STRN4: variants seen among roughly 807,000 people sequenced by gnomAD.
STRN4 encodes striatin 4.
Under a neutral mutation model 77.9 loss-of-function variants are expected in STRN4, and 27 were observed. The observed-to-expected ratio is 0.35, with a 90% confidence interval of 0.26 to 0.48. The LOEUF (loss-of-function observed/expected upper bound fraction) is 0.48, where lower values mean the gene tolerates loss of function less well. Ranked by LOEUF, STRN4 falls within the 20% of genes least tolerant of loss-of-function variation. The pLI, the probability that STRN4 is intolerant of heterozygous loss-of-function variation, is 0.99. For synonymous variants in STRN4, 466 were observed against 443.1 expected (o/e 1.05, Z -0.65); for missense variants, 798 against 1,049.7 (o/e 0.76, Z 3.31).
intron 16 of STRN4, chr19:46,721,574 T>A: frequency 4.8e-6 from 1 of 207,432 alleles, no homozygotes. Context: ...TCACACTCCA[T>A]CCCTTCTAAG....
chr19:46,730,899 G>T, intron 5 of STRN4, 26 bp from the exon 6 acceptor site: 1 of 1,607,448 alleles, frequency 6.2e-7, no homozygotes. Flanking sequence ...GAGCAGAGGA[G>T]GCATGAGTCC....
chr19:46,746,067 A>C (rs1003023306), intron 1 of STRN4, 82 bp downstream of exon 1: 2 of 1,262,322 alleles, frequency 1.6e-6, no homozygotes, highest in African/African-American at 1.6e-5. Flanking sequence ...CATTGCTCCA[A>C]GATGGCGGCG....
At chr19:46,745,969 C>T (rs1247984421) in intron 1 of STRN4, 180 bp downstream of exon 1, 1 of 701,722 alleles carries the variant, frequency 1.4e-6, no homozygotes. Context: ...CCCCGGAGTG[C>T]CCTCAGGACA....
At chr19:46,730,635 C>T in intron 6 of STRN4, 97 bp downstream of exon 6, 2 of 1,533,302 alleles carry the variant, frequency 1.3e-6, no homozygotes, top group African/African-American at 1.4e-5. Context: ...CTGCTGCCAG[C>T]ACACACCGCA....
At chr19:46,727,719 G>T in intron 8 of STRN4, 173 bp from the exon 9 acceptor site, 1 of 748,650 alleles carries the variant, frequency 1.3e-6, no homozygotes. Flanking sequence ...GACAGACAGG[G>T]CAGGACAGAC....
At chr19:46,729,556 G>T (rs1171577259) in intron 6 of STRN4, among the ~76,000 whole-genome samples, 4 of 152,212 alleles carry the variant, frequency 2.6e-5, no homozygotes, top group African/African-American at 4.8e-5. Context: ...CTTGTGCAAA[G>T]AATGGGGAAG....
chr19:46,720,265 C>A lies in STRN4; in HGVS notation c.*140G>T, dbSNP rs891578003. The A allele has an allele frequency of 3.4e-4, 75 of 220,740 alleles. No individual in the cohort carries two copies. The highest frequency in any genetic ancestry group is 3.5e-4 in the Non-Finnish European group (40 of 112,780). The allele number at this position is 220,740 out of a possible 1,614,324, so 13.7% of individuals were successfully genotyped here. A position where few individuals can be genotyped will look rare whatever the true frequency, so the allele number is the denominator to read the frequency against. On this transcript the variant is annotated 3_prime_UTR_variant, in exon 18 of 18. Coordinates refer to ENST00000263280, the MANE Select transcript of STRN4 (RefSeq NM_013403.3). ...GGGGAGGGATTCCTGGGGAAAGGGC[C>A]GTTAGCACCACCAGGCTCCATGGCA...
At position 46,734,450 on chromosome 19, in the gene STRN4, C is replaced by T. The variant is rs560319143; in HGVS notation, c.540-1214G>A. On this transcript the variant is annotated intron_variant, in intron 4 of 17. Transcript: ENST00000263280. ...AACTTGAGGAAATCAAGGATATGCA[C>T]AAATACCTTCCTGATTTTTATCACA... Among the ~76,000 whole-genome samples the T allele has an allele frequency of 5.9e-5, 9 of 152,270 alleles. No homozygotes were observed. In the South Asian group the frequency reaches 1.9e-3, roughly 32 times the overall value.
chr19:46,735,776 C>A (rs1048363799), intron 4 of STRN4, among the ~76,000 whole-genome samples: 1 of 151,582 alleles, frequency 6.6e-6, no homozygotes, highest in Non-Finnish European at 1.5e-5. Context: ...ACCAGCATGG[C>A]CAACATGGTG....
chr19:46,725,784 A>G (rs886497976), intron 9 of STRN4, 136 bp from the exon 10 acceptor site: 15 of 1,126,806 alleles, frequency 1.3e-5, no homozygotes, highest in East Asian at 2.6e-5. Flanking sequence ...CCTGGGCTCC[A>G]GCCGGGAACT....
At position 46,723,315 on chromosome 19, in the gene STRN4, T is replaced by C; in HGVS notation, c.1595-31A>G. The C allele has an allele frequency of 6.6e-7, 1 of 1,518,866 alleles. No individual in the cohort carries two copies. The highest frequency in any genetic ancestry group is 8.8e-7 in the Non-Finnish European group (1 of 1,133,172). 94.1% of individuals were successfully genotyped at this position (1,518,866 alleles called of 1,614,324 possible). A position where few individuals can be genotyped will look rare whatever the true frequency, so the allele number is the denominator to read the frequency against. On this transcript the variant is annotated intron_variant, in intron 12 of 17. Coordinates refer to ENST00000263280, the MANE Select transcript of STRN4 (RefSeq NM_013403.3). This position sits in a 1 kb window ranked among gnomAD's most constrained non-coding sequence, Gnocchi z 5.5. ...CCCACCGCAGGGAGGAAATGGGCTG[T>C]GTCAGGGCTGCCAGCTCCTCCCTGG...
At chr19:46,726,823 TC>T (rs2054128096) in intron 9 of STRN4, among the ~76,000 whole-genome samples, 1 of 152,098 alleles carries the variant, frequency 6.6e-6, no homozygotes, top group African/African-American at 2.4e-5. Flanking sequence ...TGTGGTTCAC[TC>T]ACCCCCTCCC....
chr19:46,736,706 A>ATGGG, intron 4 of STRN4, 117 bp downstream of exon 4: 1 of 1,103,144 alleles, frequency 9.1e-7, no homozygotes, highest in Non-Finnish European at 1.3e-6. Context: ...TGGCTGGCTA[A>ATGGG]GATCCTGATA....
chr19:46,725,172 C>G (rs949284442), intron 11 of STRN4, among the ~76,000 whole-genome samples, 160 bp downstream of exon 11: 6 of 151,996 alleles, frequency 3.9e-5, no homozygotes, highest in African/African-American at 7.3e-5. Flanking sequence ...CAGCATGGAG[C>G]CCCAAGAACC....
intron 9 of STRN4, chr19:46,725,858 T>C: frequency 1.6e-6 from 1 of 637,354 alleles, no homozygotes; most frequent in Non-Finnish European, 2.7e-6. Context: ...CTGCGCTGGG[T>C]TCTGGAGAGA....
chr19:46,740,365 T>C (rs1486551559), intron 1 of STRN4: 2 of 151,964 alleles, frequency 1.3e-5, no homozygotes, highest in Non-Finnish European at 2.9e-5. Context: ...GAATGGGAAA[T>C]TTTTTTCCTT....
At chr19:46,732,902 G>C in intron 5 of STRN4, 137 bp downstream of exon 5, 3 of 1,060,440 alleles carry the variant, frequency 2.8e-6, no homozygotes, top group Non-Finnish European at 2.7e-6. Context: ...CAGGGTTTCA[G>C]AACAAGGGAG....
At chr19:46,742,973 T>C (rs768524955) in intron 1 of STRN4, among the ~76,000 whole-genome samples, 2 of 152,208 alleles carry the variant, frequency 1.3e-5, no homozygotes, top group Non-Finnish European at 2.9e-5. Context: ...GGGGAAAAAC[T>C]AGAAAAAATC....
intron 1 of STRN4, chr19:46,745,852 T>C: frequency 3.4e-6 from 1 of 292,636 alleles, no homozygotes; most frequent in Non-Finnish European, 6.3e-6. Context: ...CCAGTCCCAC[T>C]CCCAGCTGGT....
Sources: allele counts gnomAD v4.1 joint callset (sites outside exome capture counted in the v4.1 genomes callset), GRCh38; gene constraint gnomAD v4.1.1; non-coding constraint Gnocchi (gnomAD v3.1); transcripts MANE v1.5; gene names NCBI Gene and HGNC (gene_info 2026-07-23, HGNC 2026-07-21).